The following GPR157 variants were observed in gnomAD, a reference collection of about 807,000 sequenced individuals.
GPR157 encodes G protein-coupled receptor 157, also known as G-protein coupled receptor 157.
A neutral mutation model predicts 23.5 loss-of-function variants in GPR157; 16 were observed. The observed-to-expected ratio is 0.68, with a 90% confidence interval of 0.46 to 1.04. The LOEUF is 1.04. GPR157 is among the 50% of genes least tolerant of loss of function. GPR157 has a pLI of 0.00. For synonymous variants in GPR157, 200 were observed against 221.5 expected (o/e 0.90, Z 0.86); for missense variants, 440 against 460.7 (o/e 0.96, Z 0.41).
In GPR157 at chr1:9,120,348, T is replaced by C. The variant is rs931438324; in HGVS notation, c.383+8297A>G. 2.6e-5 allele frequency among the ~76,000 whole-genome samples: 4 copies of C among 152,204 alleles called. No homozygotes were observed. The highest frequency in any genetic ancestry group is 2.6e-4 in the Admixed American group (4 of 15,284). Reference sequence around the variant, plus strand: ...GAGGAAAACAAGCAGGTCCCTTCTCTGGGCCAAACACAATGCCTGGTGTAG... The same window carrying C: ...GAGGAAAACAAGCAGGTCCCTTCTCCGGGCCAAACACAATGCCTGGTGTAG... On this transcript the variant is annotated intron_variant, in intron 1 of 3. Transcript: ENST00000377411. This position sits in a 1 kb window ranked among gnomAD's most constrained non-coding sequence, Gnocchi z 4.1.
chr1:9,111,529 A>G (rs1300623040), intron 1 of GPR157, 40 bp from the exon 2 acceptor site: 1 of 1,556,716 alleles, frequency 6.4e-7, no homozygotes, highest in South Asian at 1.1e-5. Flanking sequence ...GGGTCAGGCC[A>G]TGGCTCCCGG....
intron 2 of GPR157, among the ~76,000 whole-genome samples, chr1:9,108,928 G>A (rs1355149550): frequency 6.6e-6 from 1 of 152,046 alleles, no homozygotes; most frequent in East Asian, 1.9e-4. Context: ...TGGGACTACA[G>A]GTGCCCACCA....
rs767167550 is a variant in GPR157, at chr1:9,104,571, C to A, written c.856G>T (p.Val286Phe). Residue 286 changes from valine to phenylalanine, a missense_variant, in exon 4 of 4, where the codon GTC becomes TTC. Transcript: ENST00000377411. ...CAGAGAGAGAAGAGCCGAGTTCGGA[C>A]GGCGCGGGTGCAGAGGACGAACATG... ...CIMFVLCTRA[V>F]RTRLFSLCCC... 1.4e-5 allele frequency: 23 copies of A among 1,613,684 alleles called. No homozygotes were observed. Among genetic ancestry groups the A allele is most frequent in the Non-Finnish European group, 1.9e-5 (22 of 1,179,922 alleles).
At position 9,104,378 on chromosome 1, in the gene GPR157, G is replaced by T; in HGVS notation, c.*41C>A. 1 of 1,503,824 alleles carries T rather than the reference G, an allele frequency of 6.6e-7. No homozygotes were observed. The highest frequency in any genetic ancestry group is 9.2e-7 in the Non-Finnish European group (1 of 1,084,636). 93.2% of individuals were successfully genotyped at this position (1,503,824 alleles called of 1,614,324 possible). Reference sequence around the variant, plus strand: ...GGACTCACAGAAGTGCCTACCCCCAGGAAGGCAGCACCTATGCACAGAACT... The same window carrying T: ...GGACTCACAGAAGTGCCTACCCCCATGAAGGCAGCACCTATGCACAGAACT... On this transcript the variant is annotated 3_prime_UTR_variant, in exon 4 of 4. Transcript: ENST00000377411.
chr1:9,123,317 TAA>T (rs1341823056), intron 1 of GPR157, among the ~76,000 whole-genome samples: 4 of 23,686 alleles, frequency 1.7e-4, no homozygotes, highest in African/African-American at 7.3e-4. Flanking sequence ...AAATATATAT[TAA>T]AATATATATA....
intron 1 of GPR157, among the ~76,000 whole-genome samples, chr1:9,113,755 C>A (rs1638565362): frequency 6.6e-6 from 1 of 151,770 alleles, no homozygotes; most frequent in South Asian, 2.1e-4. Context: ...ACCAGCCTGG[C>A]CAACATAGTG....
intron 2 of GPR157, among the ~76,000 whole-genome samples, chr1:9,109,551 T>A (rs1456415233): frequency 6.6e-6 from 1 of 151,780 alleles, no homozygotes; most frequent in African/African-American, 2.4e-5. Flanking sequence ...TGCCACCACA[T>A]CCAGCTAATT....
intron 1 of GPR157, among the ~76,000 whole-genome samples, chr1:9,121,333 A>G (rs1638794085): frequency 1.3e-5 from 2 of 149,978 alleles, no homozygotes; most frequent in South Asian, 4.2e-4. Context: ...CTCTGTCTCA[A>G]AAAAACAAAA....
In GPR157 at chr1:9,105,461, C is replaced by G; in HGVS notation, c.792+25G>C. 2 of 1,521,848 alleles carry G rather than the reference C, an allele frequency of 1.3e-6. No homozygotes were observed. The highest frequency in any genetic ancestry group is 1.8e-6 in the Non-Finnish European group (2 of 1,127,986). 94.3% of individuals were successfully genotyped at this position (1,521,848 alleles called of 1,614,324 possible). A position where few individuals can be genotyped will look rare whatever the true frequency, so the allele number is the denominator to read the frequency against. ...GTGCCTCCTCTGGGGGCAGGGACGA[C>G]AAGGGCCAGGGAGGGCAGACCTACA... is the stretch of plus-strand genomic sequence containing the variant. On this transcript the variant is annotated intron_variant, in intron 3 of 3. Transcript: ENST00000377411. The surrounding 1 kb of genome is among the most constrained non-coding windows in gnomAD (Gnocchi z 4.8).
rs768596859 is a variant in GPR157 at position 9,118,726 on chromosome 1, C to A, written c.384-7237G>T. Among the ~76,000 whole-genome samples the A allele has an allele frequency of 7.9e-5, 12 of 152,136 alleles. No individual in the cohort carries two copies. The highest frequency in any genetic ancestry group is 1.3e-4 in the Non-Finnish European group (9 of 68,016). On this transcript the variant is annotated intron_variant, in intron 1 of 3. Coordinates refer to ENST00000377411, the MANE Select transcript of GPR157 (RefSeq NM_024980.5). This position sits in a 1 kb window ranked among gnomAD's most constrained non-coding sequence, Gnocchi z 4.6. ...GTCATCAGAGTGGAACCTAACCTAA[C>A]AACCTCTGTGGTCATAACTTAAGAG...
intron 1 of GPR157, among the ~76,000 whole-genome samples, chr1:9,112,772 C>CCTG (rs1557696407): frequency 6.8e-4 from 104 of 152,258 alleles, no homozygotes; most frequent in African/African-American, 2.5e-3. Flanking sequence ...TTTTCTAGAG[C>CCTG]GCTCTCCCAC....
rs1431014005 is a variant in GPR157, at chr1:9,100,323, T to C, written c.*4096A>G. On this transcript the variant is annotated 3_prime_UTR_variant, in exon 4 of 4. Coordinates refer to ENST00000377411, the MANE Select transcript of GPR157 (RefSeq NM_024980.5). ...AAACACATAGGAGAAAAATAATTTA[T>C]TTATTTAATTTAAAACAGCAAGACT... The C allele has an allele frequency of 6.6e-6, 1 of 152,192 alleles. No homozygotes were observed. The highest frequency in any genetic ancestry group is 1.5e-5 in the Non-Finnish European group (1 of 68,040). The allele number at this position is 152,192 out of a possible 1,614,324, so 9.4% of individuals were successfully genotyped here.
rs1423967604 is a variant in GPR157 at position 9,100,727 on chromosome 1, G to A, written c.*3692C>T. 6.6e-6 allele frequency: 1 copy of A among 152,272 alleles called. No homozygotes were observed. The highest frequency in any genetic ancestry group is 1.9e-4 in the East Asian group (1 of 5,196). 9.4% of individuals were successfully genotyped at this position (152,272 alleles called of 1,614,324 possible). A position where few individuals can be genotyped will look rare whatever the true frequency, so the allele number is the denominator to read the frequency against. On this transcript the variant is annotated 3_prime_UTR_variant, in exon 4 of 4. Coordinates refer to ENST00000377411, the MANE Select transcript of GPR157 (RefSeq NM_024980.5). ...GATGAACATTAACCACACTAACAGA[G>A]GAGAAAGAAGCCCACTGGGGCTGTG...
intron 1 of GPR157, among the ~76,000 whole-genome samples, chr1:9,116,282 A>T (rs74196122): frequency 0.25 from 302 of 1,220 alleles, 86 homozygotes; most frequent in African/African-American, 0.63. Flanking sequence ...ATTATATATA[A>T]ATTATATATA....
intron 1 of GPR157, among the ~76,000 whole-genome samples, chr1:9,113,851 G>A (rs1038247923): frequency 2.0e-5 from 3 of 151,626 alleles, no homozygotes; most frequent in Admixed American, 2.0e-4. Context: ...CCTGAGGCAG[G>A]AGAATCGCTT....
chr1:9,119,770 C>T (rs1047334916), intron 1 of GPR157, among the ~76,000 whole-genome samples: 2 of 152,202 alleles, frequency 1.3e-5, no homozygotes, highest in African/African-American at 4.8e-5. Flanking sequence ...GCCATTCATA[C>T]TTGTCAGGAG....
At position 9,128,509 on chromosome 1, in the gene GPR157, G is replaced by C. The variant is rs1484536719; in HGVS notation, c.383+136C>G. 1 of 840,400 alleles carries C rather than the reference G, an allele frequency of 1.2e-6. No individual in the cohort carries two copies. The highest frequency in any genetic ancestry group is 1.7e-5 in the African/African-American group (1 of 59,530). The allele number at this position is 840,400 out of a possible 1,614,324, so 52.1% of individuals were successfully genotyped here. Reference sequence around the variant, plus strand: ...GGCCTCCTCCCGCTGGCCCAGGACAGCCTCGGGGGCGCCAGCAGGCACTGC... The same window carrying C: ...GGCCTCCTCCCGCTGGCCCAGGACACCCTCGGGGGCGCCAGCAGGCACTGC... On this transcript the variant is annotated intron_variant, in intron 1 of 3. Coordinates refer to ENST00000377411, the MANE Select transcript of GPR157 (RefSeq NM_024980.5). The surrounding 1 kb of genome is among the most constrained non-coding windows in gnomAD (Gnocchi z 6.3).
rs377374657 is a variant in GPR157 at position 9,111,103 on chromosome 1, A to G, written c.597+173T>C. 303 of 674,618 alleles carry G rather than the reference A, an allele frequency of 4.5e-4. No individual in the cohort carries two copies. The African/African-American group carries it at 4.9e-3, about 11-fold the overall frequency. The allele number at this position is 674,618 out of a possible 1,614,324, so 41.8% of individuals were successfully genotyped here. ...AACCAATGCACGATCCGTGTAACAC[A>G]GCGTGTTGCATGGTGTCTGGTGCAC... On this transcript the variant is annotated intron_variant, in intron 2 of 3. Coordinates refer to ENST00000377411, the MANE Select transcript of GPR157 (RefSeq NM_024980.5).
At chr1:9,126,009 G>T (rs935958862) in intron 1 of GPR157, among the ~76,000 whole-genome samples, 1 of 150,700 alleles carries the variant, frequency 6.6e-6, no homozygotes, top group South Asian at 2.1e-4. Flanking sequence ...CTATCACCCA[G>T]GCTGGAGTGC....
Sources: gnomAD v4.1 joint callset for allele counts (sites outside exome capture counted in the v4.1 genomes callset) on GRCh38, gnomAD v4.1.1 for gene constraint, Gnocchi (gnomAD v3.1) non-coding constraint, MANE v1.5 for transcripts, NCBI Gene and HGNC (gene_info 2026-07-23, HGNC 2026-07-21) for gene names.